The following DOCK1 variants were observed in gnomAD, a reference collection of about 807,000 sequenced individuals.
DOCK1 encodes dedicator of cytokinesis protein 1.
A neutral mutation model predicts 262.7 loss-of-function variants in DOCK1; 138 were observed. That is an observed-to-expected ratio of 0.53 (90% confidence interval 0.46 to 0.61). The LOEUF (loss-of-function observed/expected upper bound fraction) is 0.61, where lower values mean the gene tolerates loss of function less well. Among genes scored for constraint, DOCK1 ranks in the 20% least tolerant of loss-of-function variants. The probability of loss-of-function intolerance (pLI) is 0.00; values close to 1 mark genes in which losing one functional copy is unlikely to be tolerated. For missense variants in DOCK1, 1,908 were observed against 2,370.7 expected, an observed-to-expected ratio of 0.80 and a Z score of 4.05; for synonymous variants, 866 against 867.4, an observed-to-expected ratio of 1.00 and a Z score of 0.03.
chr10:126,954,205 A>ACATTT (rs1405242056), intron 1 of DOCK1, among the ~76,000 whole-genome samples: 2 of 152,270 alleles, frequency 1.3e-5, no homozygotes, highest in African/African-American at 4.8e-5. Flanking sequence ...TGACTATTAA[A>ACATTT]ATATAACATT....
chr10:126,982,550 G>A (rs2134862911), intron 4 of DOCK1, among the ~76,000 whole-genome samples: 1 of 152,262 alleles, frequency 6.6e-6, no homozygotes, highest in East Asian at 1.9e-4. Context: ...ACATTAAAAT[G>A]TTTTCTTTTT....
chr10:127,187,044 C>A (rs2056337988), intron 27 of DOCK1, among the ~76,000 whole-genome samples: 1 of 152,324 alleles, frequency 6.6e-6, no homozygotes, highest in Non-Finnish European at 1.5e-5. Flanking sequence ...ATCTCCTGTC[C>A]AGAAGGGAAC....
intron 22 of DOCK1, among the ~76,000 whole-genome samples, chr10:127,060,566 A>C (rs947280138): frequency 9.2e-5 from 14 of 152,230 alleles, no homozygotes; most frequent in Admixed American, 1.3e-4. Flanking sequence ...AGTATTAGTA[A>C]ACACTGTATT....
chr10:127,024,815 C>A, intron 15 of DOCK1, 32 bp downstream of exon 15: 1 of 1,526,944 alleles, frequency 6.5e-7, no homozygotes, highest in Non-Finnish European at 8.9e-7. Flanking sequence ...TATCACATGG[C>A]GCTGATTATG....
chr10:127,268,881 G>T (rs2060467649), intron 29 of DOCK1, among the ~76,000 whole-genome samples: 1 of 152,132 alleles, frequency 6.6e-6, no homozygotes, highest in South Asian at 2.1e-4. Context: ...TGGGACACAC[G>T]TTGAAAATAT....
intron 28 of DOCK1, among the ~76,000 whole-genome samples, chr10:127,252,204 A>G (rs1342883145): frequency 1.5e-5 from 2 of 133,868 alleles, no homozygotes; most frequent in Admixed American, 7.7e-5. Context: ...GTGTCTGTTC[A>G]TGTCCTTCGC....
chr10:127,418,506 C>T lies in DOCK1; in HGVS notation c.4657C>T (p.Pro1553Ser). 1 of 1,614,058 alleles carries T rather than the reference C, an allele frequency of 6.2e-7. No homozygotes were observed. Among genetic ancestry groups the T allele is most frequent in the Non-Finnish European group, 8.5e-7 (1 of 1,180,014 alleles). Residue 1553 changes from proline (P) to serine (S), a missense_variant, in exon 45 of 52, where the codon CCA (proline) becomes TCA (serine). By Grantham distance (74) the Pro-to-Ser change is moderately conservative. Coordinates refer to ENST00000623213, the MANE Select transcript of DOCK1 (RefSeq NM_001290223.2). ...CATGCTCCTGAACGGCATCGTGGAC[C>T]CAGCTGTCATGGGGGGCTTCGCAAA... ...LSMLLNGIVD[P>S]AVMGGFANYE...
intron 19 of DOCK1, among the ~76,000 whole-genome samples, chr10:127,039,980 C>T (rs540567027): frequency 1.3e-5 from 2 of 152,270 alleles, no homozygotes; most frequent in East Asian, 1.9e-4. Context: ...TTCAGGTGCT[C>T]GCCCCTGCCC....
intron 1 of DOCK1, among the ~76,000 whole-genome samples, chr10:126,946,305 G>C (rs2035399589): frequency 6.6e-6 from 1 of 152,100 alleles, no homozygotes. Context: ...CTAGCACTTT[G>C]GGAGGCCGAG....
intron 39 of DOCK1, 58 bp downstream of exon 39, chr10:127,403,202 G>C: frequency 2.0e-6 from 3 of 1,513,384 alleles, no homozygotes; most frequent in Non-Finnish European, 2.7e-6. Context: ...TGGTTTTTCA[G>C]GAATCTCTCT....
chr10:126,928,421 C>T lies in DOCK1; in HGVS notation c.46+22858C>T, dbSNP rs998861123. Among the ~76,000 whole-genome samples the T allele has an allele frequency of 5.9e-3, 905 of 152,240 alleles. 4 individuals carry two copies. The highest frequency in any genetic ancestry group is 0.031 in the Middle Eastern group (9 of 294). Reference sequence around the variant, plus strand: ...TTAAGCCTCCAGCTTAAGATGTGGTCATGCTAGATTAGGGTGGGCCTTTAA... The same window carrying T: ...TTAAGCCTCCAGCTTAAGATGTGGTTATGCTAGATTAGGGTGGGCCTTTAA... On this transcript the variant is annotated intron_variant, in intron 1 of 51. Coordinates refer to ENST00000623213, the MANE Select transcript of DOCK1 (RefSeq NM_001290223.2).
intron 23 of DOCK1, among the ~76,000 whole-genome samples, chr10:127,062,671 G>T (rs941441921): frequency 6.6e-6 from 1 of 152,132 alleles, no homozygotes; most frequent in Non-Finnish European, 1.5e-5. Context: ...TCCTCCCTAG[G>T]TGCTCTTAAA....
chr10:126,950,452 T>G (rs976088531), intron 1 of DOCK1, among the ~76,000 whole-genome samples: 5 of 152,062 alleles, frequency 3.3e-5, no homozygotes, highest in African/African-American at 4.8e-5. Flanking sequence ...ATTCATGGGA[T>G]TAATGGAATT....
At chr10:127,222,848 A>G (rs1178326509) in intron 27 of DOCK1, among the ~76,000 whole-genome samples, 2 of 94,824 alleles carry the variant, frequency 2.1e-5, no homozygotes, top group African/African-American at 6.5e-5. Context: ...TTCTTTCTTA[A>G]AAATTTTTTG....
intron 27 of DOCK1, among the ~76,000 whole-genome samples, chr10:127,210,401 A>T (rs1011665680): frequency 2.0e-5 from 3 of 152,168 alleles, no homozygotes; most frequent in African/African-American, 7.2e-5. Context: ...ATGCCTGAGA[A>T]TTTCTTCTGC....
Position 127,176,409 on chromosome 10 carries a change from A to G in DOCK1, c.2847+48645A>G, listed in dbSNP as rs2055161286. The stretch of plus-strand genomic sequence containing the variant: ...CTTACTGACCATGGTTCCTGCATTC[A>G]GAAACAGCAACAGAGGTGTCAGTGG... On this transcript the variant is annotated intron_variant, in intron 27 of 51. Coordinates refer to ENST00000623213, the MANE Select transcript of DOCK1 (RefSeq NM_001290223.2). The surrounding 1 kb of genome is among the most constrained non-coding windows in gnomAD (Gnocchi z 4.4). 6.3e-7 allele frequency: 1 copy of G among 1,584,718 alleles called. No homozygotes were observed. Among genetic ancestry groups the G allele is most frequent in the Non-Finnish European group, 8.6e-7 (1 of 1,166,206 alleles).
chr10:126,939,865 G>T (rs1182343890), intron 1 of DOCK1, among the ~76,000 whole-genome samples: 1 of 152,182 alleles, frequency 6.6e-6, no homozygotes, highest in Non-Finnish European at 1.5e-5. Flanking sequence ...CTCGGCAGCT[G>T]TAAGTGTGAC....
chr10:127,426,802 A>G (rs184437007), intron 47 of DOCK1, among the ~76,000 whole-genome samples: 1 of 152,278 alleles, frequency 6.6e-6, no homozygotes, highest in East Asian at 1.9e-4. Context: ...AGCTTTTGCA[A>G]TGAGTTTATG....
Position 127,156,535 on chromosome 10 carries a change from T to TTTC in DOCK1, c.2847+28798_2847+28800dup, listed in dbSNP as rs542677102. 3.8e-3 allele frequency among the ~76,000 whole-genome samples: 357 copies of TTTC among 94,186 alleles called. 5 individuals are homozygous for TTTC. The highest frequency in any genetic ancestry group is 0.013 in the African/African-American group (338 of 25,868). The allele number at this position is 94,186 out of a possible 152,430, so 61.8% of individuals were successfully genotyped here. On this transcript the variant is annotated intron_variant, in intron 27 of 51. Transcript: ENST00000623213. ...CTTTTCTTTACTTTTCTTTTCTCTTTTTCTTCTTCTTCTTCTTCTTCTTCT... is the reference window on the plus strand; with the variant it reads ...CTTTTCTTTACTTTTCTTTTCTCTTTTTCTTCTTCTTCTTCTTCTTCTTCTTCT...
Sources: gnomAD v4.1 joint callset for allele counts (sites outside exome capture counted in the v4.1 genomes callset) on GRCh38, gnomAD v4.1.1 for gene constraint, Gnocchi (gnomAD v3.1) non-coding constraint, MANE v1.5 for transcripts, NCBI Gene and HGNC (gene_info 2026-07-23, HGNC 2026-07-21) for gene names.